NCALD: variants seen among roughly 807,000 people sequenced by gnomAD.
The protein encoded by NCALD is neurocalcin-delta.
A neutral mutation model predicts 18.6 loss-of-function variants in NCALD; 10 were observed. The ratio of observed to expected loss-of-function variants is 0.54; its 90% CI spans 0.33 to 0.91. The LOEUF (loss-of-function observed/expected upper bound fraction) is 0.91, where lower values mean the gene tolerates loss of function less well. Ranked by LOEUF, NCALD falls within the 40% of genes least tolerant of loss-of-function variation. The pLI, the probability that NCALD is intolerant of heterozygous loss-of-function variation, is 0.03. For missense variants in NCALD, 184 were observed against 247.6 expected (o/e 0.74, Z 1.72); for synonymous variants, 88 against 87.4 (o/e 1.01, Z -0.04).
chr8:101,742,036 G>A (rs989973974), intron 1 of NCALD, among the ~76,000 whole-genome samples: 2 of 150,026 alleles, frequency 1.3e-5, no homozygotes, highest in Admixed American at 1.3e-4. Context: ...GGAGGATCAC[G>A]AGGTCAGGAG....
At chr8:101,757,905 C>T (rs1280588618) in intron 1 of NCALD, among the ~76,000 whole-genome samples, 2 of 152,072 alleles carry the variant, frequency 1.3e-5, no homozygotes, top group Non-Finnish European at 1.5e-5. Flanking sequence ...TTTTTAGAGC[C>T]TCCCACCTCC....
chr8:101,893,849 C>T (rs1258189763), intron 3 of NCALD, among the ~76,000 whole-genome samples: 1 of 145,268 alleles, frequency 6.9e-6, no homozygotes, highest in Admixed American at 6.7e-5. Flanking sequence ...TACAGGAGCA[C>T]CCAGATTCAT....
chr8:101,722,327 T>C (rs1377837796), intron 1 of NCALD, among the ~76,000 whole-genome samples: 1 of 152,222 alleles, frequency 6.6e-6, no homozygotes, highest in Non-Finnish European at 1.5e-5. Flanking sequence ...ATTGTAAAGC[T>C]GTCATTTAGT....
chr8:101,953,190 AC>A (rs1418370269), intron 2 of NCALD, among the ~76,000 whole-genome samples: 2 of 151,814 alleles, frequency 1.3e-5, no homozygotes, highest in African/African-American at 2.4e-5. Context: ...GCAGTGGCTC[AC>A]CCCCGTCACC....
chr8:101,862,601 C>T (rs1317207802), intron 4 of NCALD, among the ~76,000 whole-genome samples: 1 of 152,190 alleles, frequency 6.6e-6, no homozygotes, highest in Non-Finnish European at 1.5e-5. Context: ...TCAATTTTAA[C>T]TAAAATTTTC....
chr8:102,092,174 ACT>A (rs1391524133), intron 1 of NCALD, among the ~76,000 whole-genome samples: 1 of 152,228 alleles, frequency 6.6e-6, no homozygotes, highest in East Asian at 1.9e-4. Flanking sequence ...GGTCGTCCTC[ACT>A]GCTACATTCC....
At chr8:102,022,811 T>C (rs899385852) in intron 1 of NCALD, among the ~76,000 whole-genome samples, 3 of 152,196 alleles carry the variant, frequency 2.0e-5, no homozygotes, top group Non-Finnish European at 2.9e-5. Flanking sequence ...TGTGTAGTCA[T>C]TGTGGTTCCC....
In NCALD at chr8:101,872,180, T is replaced by G. The variant is rs73696535; in HGVS notation, c.-20+14961A>C. On this transcript the variant is annotated intron_variant, in intron 4 of 6. Coordinates refer to the NCALD transcript ENST00000311028. ...TGATTTATCAGGGCACAGAGGGGAA[T>G]TCCTCGTTTGCAAAGGTGCAAGATG... 2,932 of 1,602,166 alleles carry G rather than the reference T, an allele frequency of 1.8e-3. 49 individuals carry two copies. The African/African-American group carries it at 0.034, about 19-fold the overall frequency.
At chr8:102,044,548 G>C (rs1653780350) in intron 1 of NCALD, among the ~76,000 whole-genome samples, 1 of 152,196 alleles carries the variant, frequency 6.6e-6, no homozygotes, top group African/African-American at 2.4e-5. Flanking sequence ...AGTGTTTATT[G>C]AGCCTATAAC....
At chr8:101,872,072 C>A in intron 4 of NCALD, 2 of 1,464,492 alleles carry the variant, frequency 1.4e-6, no homozygotes, top group South Asian at 1.1e-5. Flanking sequence ...AGATTCCTAT[C>A]AGGATAATTG....
intron 4 of NCALD, among the ~76,000 whole-genome samples, chr8:101,796,519 A>T (rs542421787): frequency 7.2e-5 from 11 of 152,224 alleles, no homozygotes; most frequent in Admixed American, 2.6e-4. Flanking sequence ...AAATTAAGTC[A>T]CTAAAAAATA....
chr8:102,095,239 C>T (rs1022574611), intron 1 of NCALD, among the ~76,000 whole-genome samples: 2 of 151,974 alleles, frequency 1.3e-5, no homozygotes, highest in East Asian at 1.9e-4. Flanking sequence ...GAGAAGGGTG[C>T]GAGAGATAGA....
At chr8:102,006,279 C>A (rs1177297542) in intron 2 of NCALD, among the ~76,000 whole-genome samples, 1 of 151,850 alleles carries the variant, frequency 6.6e-6, no homozygotes, top group Non-Finnish European at 1.5e-5. Context: ...GTACAGTTTC[C>A]AAGGCTAAAC....
At position 101,686,574 on chromosome 8, in the gene NCALD, G is replaced by A. The variant is rs1407084307; in HGVS notation, c.*2735C>T. ...AAACCAAAAACATGCTTTAATGCCAGGCAAGAGCTACACAGTCAACTGATT... is the reference window on the plus strand; with the variant it reads ...AAACCAAAAACATGCTTTAATGCCAAGCAAGAGCTACACAGTCAACTGATT... On this transcript the variant is annotated 3_prime_UTR_variant, in exon 4 of 4. Transcript: ENST00000220931. 3 of 152,444 alleles carry A rather than the reference G, an allele frequency of 2.0e-5. No homozygotes were observed. Among genetic ancestry groups the A allele is most frequent in the Non-Finnish European group, 4.4e-5 (3 of 68,032 alleles). The allele number at this position is 152,444 out of a possible 1,614,324, so 9.4% of individuals were successfully genotyped here. A position where few individuals can be genotyped will look rare whatever the true frequency, so the allele number is the denominator to read the frequency against.
chr8:101,804,704 T>C (rs907310639), intron 4 of NCALD, among the ~76,000 whole-genome samples: 1 of 145,064 alleles, frequency 6.9e-6, no homozygotes, highest in Non-Finnish European at 1.5e-5. Flanking sequence ...TAATTATATA[T>C]AAATAATTAT....
chr8:101,789,824 T>A (rs1446707990), intron 1 of NCALD, among the ~76,000 whole-genome samples: 1 of 152,140 alleles, frequency 6.6e-6, no homozygotes, highest in Non-Finnish European at 1.5e-5. Context: ...TCCAAAACAA[T>A]TCAACCTGTA....
chr8:101,927,304 G>T (rs753625039), intron 2 of NCALD, among the ~76,000 whole-genome samples: 5 of 152,192 alleles, frequency 3.3e-5, no homozygotes, highest in African/African-American at 7.2e-5. Flanking sequence ...CAAAGTCCCC[G>T]ATCTGGTGGA....
chr8:101,747,794 C>T (rs548026817), intron 1 of NCALD, among the ~76,000 whole-genome samples: 27 of 151,768 alleles, frequency 1.8e-4, no homozygotes, highest in African/African-American at 5.6e-4. Flanking sequence ...CTCAGCTCAC[C>T]GCAACCTCTC....
At chr8:101,738,873 CCTTCATCAT>C (rs1810055758) in intron 1 of NCALD, among the ~76,000 whole-genome samples, 13 of 152,064 alleles carry the variant, frequency 8.5e-5, no homozygotes, top group Admixed American at 8.5e-4. Flanking sequence ...ATCTTAATCA[CCTTCATCAT>C]CTTCATCATC....
Sources: gnomAD v4.1 joint callset for allele counts (sites outside exome capture counted in the v4.1 genomes callset) on GRCh38, gnomAD v4.1.1 for gene constraint, MANE v1.5 for transcripts, NCBI Gene and HGNC (gene_info 2026-07-23, HGNC 2026-07-21) for gene names.